FMN1: variants seen among roughly 807,000 people sequenced by gnomAD.
FMN1 encodes formin-1.
FMN1 carries 110 observed loss-of-function variants against 132.4 expected under a neutral mutation model. The ratio of observed to expected loss-of-function variants is 0.83; its 90% CI spans 0.71 to 0.97. The LOEUF (loss-of-function observed/expected upper bound fraction) is 0.97, where lower values mean the gene tolerates loss of function less well. FMN1 is among the 50% of genes least tolerant of loss of function. The pLI, the probability that FMN1 is intolerant of heterozygous loss-of-function variation, is 0.00. For synonymous variants in FMN1, 722 were observed against 651.7 expected (o/e 1.11, Z -1.64); for missense variants, 1,792 against 1,705.3 (o/e 1.05, Z -0.90).
At chr15:32,933,716 TTTTTC>T (rs1233609928) in intron 9 of FMN1, among the ~76,000 whole-genome samples, 7 of 152,290 alleles carry the variant, frequency 4.6e-5, no homozygotes, top group African/African-American at 1.4e-4. Context: ...AGTGTCCTTC[TTTTTC>T]TTTTGTTAGA....
At chr15:32,877,424 TA>T (rs35006253) in intron 16 of FMN1, among the ~76,000 whole-genome samples, 1 of 151,966 alleles carries the variant, frequency 6.6e-6, no homozygotes, top group East Asian at 1.9e-4. Context: ...GTTGACTTTT[TA>T]AAAAAAAGTC....
intron 17 of FMN1, among the ~76,000 whole-genome samples, chr15:32,819,505 T>C (rs2058151253): frequency 6.6e-6 from 1 of 152,238 alleles, no homozygotes; most frequent in Non-Finnish European, 1.5e-5. Context: ...GAACATTTTA[T>C]ACCTGAATTA....
intron 10 of FMN1, among the ~76,000 whole-genome samples, chr15:32,921,673 T>C (rs2060825728): frequency 1.7e-5 from 2 of 115,260 alleles, no homozygotes; most frequent in Admixed American, 1.6e-4. Flanking sequence ...GCTGTGTCTT[T>C]TTTTTCTTTT....
intron 4 of FMN1, among the ~76,000 whole-genome samples, chr15:33,147,760 A>G (rs1383874624): frequency 6.6e-6 from 1 of 152,240 alleles, no homozygotes; most frequent in African/African-American, 2.4e-5. Flanking sequence ...TAAAATACAA[A>G]TTGTTCATTA....
chr15:33,162,971 G>C (rs144466764), intron 3 of FMN1, among the ~76,000 whole-genome samples: 2,126 of 152,146 alleles, frequency 0.014, 31 homozygotes, highest in Non-Finnish European at 0.022. Context: ...ACAAAAACTA[G>C]CTTGGTGTGG....
rs1483704422 is a variant in FMN1 at position 32,768,018 on chromosome 15, A to C, written c.*6292T>G. ...AGCGAGGAAAAAGGAGATATTTATAATTCACAAAAACATCTAAAATGTAAA... is the reference window on the plus strand; with the variant it reads ...AGCGAGGAAAAAGGAGATATTTATACTTCACAAAAACATCTAAAATGTAAA... On this transcript the variant is annotated 3_prime_UTR_variant, in exon 21 of 21. Transcript: ENST00000616417. 6.6e-6 allele frequency: 1 copy of C among 152,240 alleles called. No individual in the cohort carries two copies. The highest frequency in any genetic ancestry group is 1.5e-5 in the Non-Finnish European group (1 of 68,042). 9.4% of individuals were successfully genotyped at this position (152,240 alleles called of 1,614,324 possible). A position where few individuals can be genotyped will look rare whatever the true frequency, so the allele number is the denominator to read the frequency against.
intron 16 of FMN1, among the ~76,000 whole-genome samples, chr15:32,861,137 AT>A (rs1188785783): frequency 6.6e-6 from 1 of 152,148 alleles, no homozygotes; most frequent in Non-Finnish European, 1.5e-5. Context: ...AATTCCAACA[AT>A]TTCATTTATA....
At chr15:32,826,057 T>C (rs2141130478) in intron 17 of FMN1, among the ~76,000 whole-genome samples, 1 of 152,354 alleles carries the variant, frequency 6.6e-6, no homozygotes, top group East Asian at 1.9e-4. Context: ...ATAACAAAAC[T>C]CGAATGATGG....
intron 9 of FMN1, among the ~76,000 whole-genome samples, chr15:32,947,164 T>C (rs2061527754): frequency 2.0e-5 from 3 of 152,136 alleles, no homozygotes; most frequent in Non-Finnish European, 2.9e-5. Flanking sequence ...AATGTTTCCT[T>C]TCTCATTGTT....
intron 16 of FMN1, among the ~76,000 whole-genome samples, chr15:32,862,900 C>A (rs945064511): frequency 1.3e-5 from 2 of 152,128 alleles, no homozygotes; most frequent in African/African-American, 4.8e-5. Flanking sequence ...TAAGTCTTAC[C>A]CCACCCTTCC....
At chr15:33,144,867 T>A (rs888578305) in intron 4 of FMN1, among the ~76,000 whole-genome samples, 28 of 152,300 alleles carry the variant, frequency 1.8e-4, no homozygotes, top group African/African-American at 6.7e-4. Context: ...TTTAAAATCC[T>A]TTCTGCCCCT....
At position 32,785,138 on chromosome 15, in the gene FMN1, GTGTGT is replaced by G. The variant is rs1567162443; in HGVS notation, c.4131-8224_4131-8220del. Among the ~76,000 whole-genome samples, 25 of 139,918 alleles carry G rather than the reference GTGTGT, an allele frequency of 1.8e-4. 2 individuals carry two copies. In the East Asian group the frequency reaches 4.8e-3, roughly 27 times the overall value. 91.8% of individuals were successfully genotyped at this position (139,918 alleles called of 152,430 possible). On this transcript the variant is annotated intron_variant, in intron 19 of 20. Transcript: ENST00000616417. ...AACTCTTAAGTATGATGCTAGGGGT[GTGTGT>G]GTGTGTGTGTATACGTACGTGTGTG...
At chr15:33,123,452 C>A (rs1962757034) in intron 4 of FMN1, among the ~76,000 whole-genome samples, 1 of 152,166 alleles carries the variant, frequency 6.6e-6, no homozygotes, top group Admixed American at 6.5e-5. Flanking sequence ...CTAAGACTCA[C>A]TATCTGTGGC....
chr15:33,126,642 T>A (rs867994165), intron 4 of FMN1, among the ~76,000 whole-genome samples: 1 of 152,188 alleles, frequency 6.6e-6, no homozygotes, highest in South Asian at 2.1e-4. Context: ...AAGTGTTAAG[T>A]TGCAAATCCT....
intron 4 of FMN1, among the ~76,000 whole-genome samples, chr15:33,099,925 G>A (rs1481479839): frequency 6.6e-6 from 1 of 152,174 alleles, no homozygotes; most frequent in Non-Finnish European, 1.5e-5. Flanking sequence ...ACTCAAAAGA[G>A]GAGGTGAGAC....
intron 6 of FMN1, among the ~76,000 whole-genome samples, chr15:33,047,258 T>G (rs1414823311): frequency 2.6e-5 from 4 of 152,214 alleles, no homozygotes; most frequent in Admixed American, 2.6e-4. Context: ...AGATTCTAGA[T>G]TTTATAAAAA....
chr15:32,876,479 G>T (rs1226335364), intron 16 of FMN1, among the ~76,000 whole-genome samples: 1 of 152,204 alleles, frequency 6.6e-6, no homozygotes, highest in Non-Finnish European at 1.5e-5. Context: ...CAATCTAAAT[G>T]TATCATTGCC....
chr15:33,056,930 G>A (rs538431122), intron 6 of FMN1, among the ~76,000 whole-genome samples: 3 of 152,208 alleles, frequency 2.0e-5, no homozygotes, highest in African/African-American at 4.8e-5. Flanking sequence ...TAATCCCAGC[G>A]CTTTGGGAGG....
intron 2 of FMN1, among the ~76,000 whole-genome samples, chr15:33,188,422 C>T (rs2060880752): frequency 6.6e-6 from 1 of 152,112 alleles, no homozygotes; most frequent in African/African-American, 2.4e-5. Context: ...GCCCTGGGTC[C>T]ATGTCATACC....
Sources: gnomAD v4.1 joint callset for allele counts (sites outside exome capture counted in the v4.1 genomes callset) on GRCh38, gnomAD v4.1.1 for gene constraint, MANE v1.5 for transcripts, NCBI Gene and HGNC (gene_info 2026-07-23, HGNC 2026-07-21) for gene names.